DDR2: variants seen among roughly 807,000 people sequenced by gnomAD.
DDR2 encodes the protein discoidin domain receptor tyrosine kinase 2.
DDR2 carries 27 observed loss-of-function variants against 94.9 expected under a neutral mutation model. The ratio of observed to expected loss-of-function variants is 0.28; its 90% CI spans 0.21 to 0.39. The LOEUF is 0.39. DDR2 is among the 10% of genes least tolerant of loss of function. DDR2 has a pLI of 1.00. For missense variants in DDR2, 783 were observed against 1,076.0 expected (o/e 0.73, Z 3.81); for synonymous variants, 382 against 377.2 (o/e 1.01, Z -0.15).
In DDR2 at chr1:162,755,273, A is replaced by G; in HGVS notation, c.535A>G (p.Arg179Gly). The G allele has an allele frequency of 6.2e-7, 1 of 1,613,966 alleles. No individual in the cohort carries two copies. Among genetic ancestry groups the G allele is most frequent in the Non-Finnish European group, 8.5e-7 (1 of 1,180,012 alleles). ...VTDHSMNVCM[R>G]VELYGCVWLD... is the part of the protein sequence containing the mutation. ...CGACCACTCCATGAATGTGTGTATG[A>G]GAGTGGAGCTTTACGGCTGTGTCTG... The change falls in exon 6 of 18, where the codon AGA becomes GGA. Residue 179 changes from arginine to glycine, a missense_variant. Around this residue, in one of 2 missense-constraint regions of DDR2, gnomAD observed 519 missense variants for 647.9 expected, o/e 0.80. Coordinates refer to ENST00000367921, the MANE Select transcript of DDR2 (RefSeq NM_006182.4).
intron 2 of DDR2, among the ~76,000 whole-genome samples, chr1:162,687,565 T>A (rs191959547): frequency 1.3e-5 from 2 of 152,168 alleles, no homozygotes; most frequent in African/African-American, 4.8e-5. Context: ...GGAAAAGAGC[T>A]CTAATGTTGG....
intron 2 of DDR2, among the ~76,000 whole-genome samples, chr1:162,693,476 A>G (rs1203079253): frequency 6.6e-6 from 1 of 152,188 alleles, no homozygotes; most frequent in African/African-American, 2.4e-5. Flanking sequence ...GAGAGTGACA[A>G]TGTGCCGGGA....
At chr1:162,761,120 G>T (rs1663717161) in intron 8 of DDR2, 91 bp from the exon 9 acceptor site, 1 of 1,576,890 alleles carries the variant, frequency 6.3e-7, no homozygotes, top group East Asian at 2.2e-5. Context: ...CTCGAATCAG[G>T]GTAGACGGCA....
chr1:162,638,585 G>A (rs536395024), intron 1 of DDR2, among the ~76,000 whole-genome samples: 4 of 152,222 alleles, frequency 2.6e-5, no homozygotes, highest in South Asian at 4.1e-4. Flanking sequence ...AAAGAAAATC[G>A]CACTTTGGAA....
At position 162,763,336 on chromosome 1, in the gene DDR2, CTTTTTTTTTTTTTTTTTTTTT is replaced by C. The variant is rs56323242; in HGVS notation, c.1099+1896_1099+1916del. Among the ~76,000 whole-genome samples, 220 of 56,552 alleles carry C rather than the reference CTTTTTTTTTTTTTTTTTTTTT, an allele frequency of 3.9e-3. 3 individuals are homozygous for C. Among genetic ancestry groups the C allele is most frequent in the Admixed American group, 8.8e-3 (30 of 3,428 alleles). The allele number at this position is 56,552 out of a possible 152,430, so 37.1% of individuals were successfully genotyped here. On this transcript the variant is annotated intron_variant, in intron 9 of 17. Coordinates refer to ENST00000367921, the MANE Select transcript of DDR2 (RefSeq NM_006182.4). ...TACAGGTGCCTGCTACCACGCCCGG[CTTTTTTTTTTTTTTTTTTTTT>C]TTTTTTTTTTTTTGCATTTTTAGTA...
At chr1:162,716,898 A>AG (rs1325578470) in intron 2 of DDR2, among the ~76,000 whole-genome samples, 18 of 152,250 alleles carry the variant, frequency 1.2e-4, no homozygotes, top group African/African-American at 4.3e-4. Flanking sequence ...TTCTCCATGA[A>AG]GCCTTCCTTA....
intron 3 of DDR2, among the ~76,000 whole-genome samples, chr1:162,721,518 G>T (rs1558045781): frequency 6.6e-6 from 1 of 152,164 alleles, no homozygotes; most frequent in Admixed American, 6.5e-5. Context: ...CATTATCAGT[G>T]ATAAAGAGTC....
chr1:162,647,581 A>G (rs963462213), intron 1 of DDR2, among the ~76,000 whole-genome samples: 6 of 152,222 alleles, frequency 3.9e-5, no homozygotes, highest in African/African-American at 1.2e-4. Context: ...TTTCTTGATT[A>G]TATGCTAAAT....
At chr1:162,709,430 G>A (rs1438009101) in intron 2 of DDR2, among the ~76,000 whole-genome samples, 1 of 152,238 alleles carries the variant, frequency 6.6e-6, no homozygotes, top group East Asian at 1.9e-4. Context: ...TTGCCTGTGA[G>A]CAGCTGCTGC....
intron 1 of DDR2, among the ~76,000 whole-genome samples, chr1:162,641,512 G>A (rs189585856): frequency 5.6e-4 from 85 of 152,312 alleles, no homozygotes; most frequent in African/African-American, 2.0e-3. Context: ...CCATGTCTTA[G>A]GTGATTGCTC....
chr1:162,683,156 TA>T (rs574700235), intron 2 of DDR2, among the ~76,000 whole-genome samples: 9 of 152,064 alleles, frequency 5.9e-5, no homozygotes, highest in South Asian at 2.1e-4. Flanking sequence ...ATTCATGACT[TA>T]AAAAAAACTC....
At chr1:162,741,252 T>TACA (rs57099786) in intron 3 of DDR2, among the ~76,000 whole-genome samples, 1 of 96,650 alleles carries the variant, frequency 1.0e-5, no homozygotes, top group Non-Finnish European at 2.1e-5. Flanking sequence ...TATAGTATAA[T>TACA]GTAATGTAAT....
At chr1:162,672,811 G>C (rs140733689) in intron 2 of DDR2, among the ~76,000 whole-genome samples, 45 of 152,200 alleles carry the variant, frequency 3.0e-4, no homozygotes, top group African/African-American at 1.0e-3. Flanking sequence ...AGGATGGACT[G>C]TGCTGACTGA....
At chr1:162,697,184 G>A (rs1394253505) in intron 2 of DDR2, among the ~76,000 whole-genome samples, 1 of 152,054 alleles carries the variant, frequency 6.6e-6, no homozygotes, top group Non-Finnish European at 1.5e-5. Flanking sequence ...TAGAATTAAT[G>A]GATAAAGACT....
chr1:162,732,751 C>T (rs1662119790), intron 3 of DDR2, among the ~76,000 whole-genome samples: 1 of 152,232 alleles, frequency 6.6e-6, no homozygotes, highest in Non-Finnish European at 1.5e-5. Context: ...TGTGTGTTTT[C>T]CTGGAAGCTG....
intron 3 of DDR2, among the ~76,000 whole-genome samples, chr1:162,740,077 T>C (rs1329378211): frequency 1.3e-5 from 2 of 152,140 alleles, no homozygotes; most frequent in East Asian, 3.9e-4. Context: ...TTTTTTTAAA[T>C]AAATATTTTT....
At chr1:162,753,736 T>G (rs1422243250) in intron 4 of DDR2, among the ~76,000 whole-genome samples, 1 of 152,168 alleles carries the variant, frequency 6.6e-6, no homozygotes, top group Non-Finnish European at 1.5e-5. Context: ...GGCAGTTTCC[T>G]GGGGCGATTG....
At chr1:162,707,367 CT>C (rs1384953730) in intron 2 of DDR2, among the ~76,000 whole-genome samples, 1 of 152,220 alleles carries the variant, frequency 6.6e-6, no homozygotes, top group East Asian at 1.9e-4. Flanking sequence ...GAATTCAACT[CT>C]TGCTTTCTTT....
chr1:162,710,701 G>A (rs986387290), intron 2 of DDR2, among the ~76,000 whole-genome samples: 1 of 151,892 alleles, frequency 6.6e-6, no homozygotes, highest in Non-Finnish European at 1.5e-5. Flanking sequence ...TCATGGGGGT[G>A]TTCTTCTCCC....
Sources: gnomAD v4.1 joint callset for allele counts (sites outside exome capture counted in the v4.1 genomes callset) on GRCh38, gnomAD v4.1.1 for gene constraint, gnomAD v4.1.1 regional missense constraint, MANE v1.5 for transcripts, NCBI Gene and HGNC (gene_info 2026-07-23, HGNC 2026-07-21) for gene names.